Variants in NKAIN2 observed in about 807,000 individuals in gnomAD.
NKAIN2 encodes sodium/potassium-transporting ATPase subunit beta-1-interacting protein 2.
Under a neutral mutation model 32.6 loss-of-function variants are expected in NKAIN2, and 14 were observed. That is an observed-to-expected ratio of 0.43 (90% CI 0.28 to 0.67). The LOEUF is 0.67. Among genes scored for constraint, NKAIN2 ranks in the 30% least tolerant of loss-of-function variants. The pLI, the probability that NKAIN2 is intolerant of heterozygous loss-of-function variation, is 0.17. For synonymous variants in NKAIN2, 80 were observed against 87.2 expected, an observed-to-expected ratio of 0.92 and a Z score of 0.46; for missense variants, 198 against 258.3, an observed-to-expected ratio of 0.77 and a Z score of 1.60.
intron 4 of NKAIN2, among the ~76,000 whole-genome samples, chr6:124,751,511 A>G (rs1307772234): frequency 6.6e-6 from 1 of 151,956 alleles, no homozygotes; most frequent in Non-Finnish European, 1.5e-5. Context: ...GGTTCCTGAG[A>G]TGTCCCTTGA....
intron 1 of NKAIN2, among the ~76,000 whole-genome samples, chr6:124,153,489 A>T (rs895874483): frequency 1.5e-4 from 23 of 151,806 alleles, no homozygotes; most frequent in African/African-American, 5.3e-4. Context: ...CTAGTATTCA[A>T]TTCATGAAAA....
At chr6:123,917,427 G>C (rs530229854) in intron 1 of NKAIN2, among the ~76,000 whole-genome samples, 25 of 152,260 alleles carry the variant, frequency 1.6e-4, no homozygotes, top group African/African-American at 5.1e-4. Flanking sequence ...TCCACAGAAT[G>C]TGTACGTTTA....
At chr6:124,641,310 A>C (rs1285698849) in intron 3 of NKAIN2, among the ~76,000 whole-genome samples, 1 of 152,188 alleles carries the variant, frequency 6.6e-6, no homozygotes, top group Non-Finnish European at 1.5e-5. Flanking sequence ...GACCAATGAC[A>C]GACAACATAA....
chr6:123,988,471 C>T (rs546609083), intron 1 of NKAIN2, among the ~76,000 whole-genome samples: 2 of 152,222 alleles, frequency 1.3e-5, no homozygotes, highest in East Asian at 1.9e-4. Flanking sequence ...CAGTAGTTTC[C>T]GTCAGTTCCA....
intron 2 of NKAIN2, among the ~76,000 whole-genome samples, chr6:124,317,588 A>G (rs989753281): frequency 2.0e-5 from 3 of 152,056 alleles, no homozygotes; most frequent in Non-Finnish European, 4.4e-5. Context: ...TACTAGGGTG[A>G]TTGAGTTAGG....
chr6:124,456,590 G>A (rs141633886), intron 3 of NKAIN2, among the ~76,000 whole-genome samples: 2 of 151,862 alleles, frequency 1.3e-5, no homozygotes, highest in African/African-American at 4.8e-5. Context: ...ATTTGCATAT[G>A]GTTACTGGCC....
At chr6:124,637,373 T>G (rs999120319) in intron 3 of NKAIN2, among the ~76,000 whole-genome samples, 2 of 152,030 alleles carry the variant, frequency 1.3e-5, no homozygotes, top group Non-Finnish European at 2.9e-5. Flanking sequence ...TTCAATATAG[T>G]ACTAAAATGT....
At chr6:123,918,612 A>C (rs1042441723) in intron 1 of NKAIN2, among the ~76,000 whole-genome samples, 2 of 152,144 alleles carry the variant, frequency 1.3e-5, no homozygotes, top group Non-Finnish European at 2.9e-5. Context: ...ATTTCTGTTA[A>C]GGTGTTTTTA....
At chr6:124,425,004 C>T (rs1287198702) in intron 3 of NKAIN2, among the ~76,000 whole-genome samples, 2 of 152,018 alleles carry the variant, frequency 1.3e-5, no homozygotes, top group African/African-American at 4.8e-5. Context: ...TATGGCTATA[C>T]CAATTAACAT....
At chr6:124,050,681 T>C (rs1782362406) in intron 1 of NKAIN2, among the ~76,000 whole-genome samples, 1 of 152,098 alleles carries the variant, frequency 6.6e-6, no homozygotes, top group Admixed American at 6.6e-5. Context: ...AAAGAAAAGC[T>C]AAATTTATTT....
intron 1 of NKAIN2, among the ~76,000 whole-genome samples, chr6:124,209,257 T>C (rs759508567): frequency 2.0e-5 from 3 of 151,852 alleles, no homozygotes; most frequent in Non-Finnish European, 4.4e-5. Flanking sequence ...TCACTTAACA[T>C]AATGTCCCCC....
chr6:123,861,006 A>G (rs944890352), intron 1 of NKAIN2, among the ~76,000 whole-genome samples: 5 of 152,192 alleles, frequency 3.3e-5, no homozygotes, highest in African/African-American at 1.2e-4. Context: ...CTTCACAGGT[A>G]TCCTGTAGGA....
At chr6:124,754,519 C>G (rs1777872993) in intron 4 of NKAIN2, among the ~76,000 whole-genome samples, 1 of 151,852 alleles carries the variant, frequency 6.6e-6, no homozygotes, top group Admixed American at 6.6e-5. Context: ...ATGTGGCCAA[C>G]AATTATGTGG....
chr6:124,430,001 G>A (rs1775146982), intron 3 of NKAIN2, among the ~76,000 whole-genome samples: 1 of 152,082 alleles, frequency 6.6e-6, no homozygotes, highest in Non-Finnish European at 1.5e-5. Flanking sequence ...AAAAAGTCAA[G>A]GGGAAAAATA....
intron 3 of NKAIN2, among the ~76,000 whole-genome samples, chr6:124,509,165 A>G (rs1778612051): frequency 6.6e-6 from 1 of 152,212 alleles, no homozygotes; most frequent in African/African-American, 2.4e-5. Flanking sequence ...CTTCCCAACA[A>G]GTAATAAGTG....
intron 1 of NKAIN2, among the ~76,000 whole-genome samples, chr6:124,214,874 C>G (rs149735392): frequency 0.013 from 2,020 of 152,266 alleles, 21 homozygotes; most frequent in Non-Finnish European, 0.021. Flanking sequence ...CAGGAAGAAG[C>G]CATTGCCTGT....
chr6:123,938,934 C>G (rs905322089), intron 1 of NKAIN2, among the ~76,000 whole-genome samples: 2 of 151,778 alleles, frequency 1.3e-5, no homozygotes, highest in Admixed American at 6.6e-5. Flanking sequence ...AAAGTCCAGC[C>G]CTATCTCTCA....
At chr6:124,035,461 A>G (rs973937093) in intron 1 of NKAIN2, among the ~76,000 whole-genome samples, 1 of 152,094 alleles carries the variant, frequency 6.6e-6, no homozygotes, top group African/African-American at 2.4e-5. Context: ...ACCCTGCATT[A>G]GTTTCCCCCG....
At chr6:123,836,714 T>A (rs1314862020) in intron 1 of NKAIN2, among the ~76,000 whole-genome samples, 1 of 152,030 alleles carries the variant, frequency 6.6e-6, no homozygotes, top group Non-Finnish European at 1.5e-5. Flanking sequence ...TTCATTGTAA[T>A]GTACTAATGT....
Sources: gnomAD v4.1 joint callset for allele counts (sites outside exome capture counted in the v4.1 genomes callset) on GRCh38, gnomAD v4.1.1 for gene constraint, MANE v1.5 for transcripts, NCBI Gene and HGNC (gene_info 2026-07-23, HGNC 2026-07-21) for gene names.